The following SLC6A15 variants were observed in gnomAD, a reference collection of about 807,000 sequenced individuals.
The protein encoded by SLC6A15 is sodium-dependent neutral amino acid transporter B(0)AT2.
A neutral mutation model predicts 68.5 loss-of-function variants in SLC6A15; 33 were observed. The observed-to-expected ratio is 0.48, with a 90% CI of 0.37 to 0.64. SLC6A15 has a LOEUF of 0.64. SLC6A15 is among the 30% of genes least tolerant of loss of function. SLC6A15 has a pLI of 0.00. For synonymous variants in SLC6A15, 347 were observed against 301.0 expected (o/e 1.15, Z -1.58); for missense variants, 747 against 874.3 (o/e 0.85, Z 1.84).
At chr12:84,910,601 T>G (rs916946163) in intron 1 of SLC6A15, among the ~76,000 whole-genome samples, 3 of 152,152 alleles carry the variant, frequency 2.0e-5, no homozygotes, top group African/African-American at 7.2e-5. Flanking sequence ...GTGAGAAACA[T>G]CCCGTCTAAC....
chr12:84,867,292 T>TA, intron 9 of SLC6A15, 99 bp from the exon 10 acceptor site: 3 of 1,003,192 alleles, frequency 3.0e-6, no homozygotes, highest in Non-Finnish European at 2.8e-6. Flanking sequence ...AAAACTTTTA[T>TA]AACATGTCCA....
At chr12:84,885,304 A>G in intron 4 of SLC6A15, 131 bp downstream of exon 4, 9 of 878,656 alleles carry the variant, frequency 1.0e-5, no homozygotes, top group Non-Finnish European at 1.4e-5. Context: ...GAATGTGAGC[A>G]AAGTCTGTTA....
chr12:84,877,869 G>A (rs928375200), intron 5 of SLC6A15, among the ~76,000 whole-genome samples: 1 of 152,058 alleles, frequency 6.6e-6, no homozygotes, highest in African/African-American at 2.4e-5. Context: ...CAGGGTATAA[G>A]CTAGTAAGGG....
intron 5 of SLC6A15, among the ~76,000 whole-genome samples, chr12:84,878,787 A>ATAG (rs1469941702): frequency 2.0e-5 from 3 of 147,262 alleles, no homozygotes; most frequent in African/African-American, 2.4e-5. Context: ...AATCCCATAA[A>ATAG]CCAACTGATC....
At chr12:84,868,670 G>A (rs1453769026) in intron 9 of SLC6A15, among the ~76,000 whole-genome samples, 3 of 152,148 alleles carry the variant, frequency 2.0e-5, no homozygotes, top group Non-Finnish European at 4.4e-5. Context: ...TTTCATTGAG[G>A]TCAAACACGA....
At chr12:84,908,363 T>A (rs114270879) in intron 1 of SLC6A15, among the ~76,000 whole-genome samples, 6,053 of 151,948 alleles carry the variant, frequency 0.04, 377 homozygotes, top group African/African-American at 0.13. Flanking sequence ...TAATTTTATT[T>A]CTAAAACTCT....
chr12:84,879,635 CT>C (rs1871729306), intron 5 of SLC6A15, among the ~76,000 whole-genome samples: 1 of 151,880 alleles, frequency 6.6e-6, no homozygotes, highest in Admixed American at 6.6e-5. Context: ...CTATCACACA[CT>C]TTGTATGTGC....
Position 84,886,027 on chromosome 12 carries a change from C to T in SLC6A15, c.331G>A (p.Gly111Ser). ...AGTTCCAAGAAAAAAAGGGGAATAC[C>T]TATTACCATAAGTAGTATTAAATAT... ...LPYLILLMVI[G>S]IPLFFLELSV... The change falls in exon 3 of 12, where the codon GGT (glycine) becomes AGT (serine). Residue 111 changes from glycine (G) to serine (S), a missense_variant. Physicochemically the swap from Gly to Ser is moderately conservative, Grantham distance 56 (BLOSUM62 0). Transcript: ENST00000266682. 6.2e-7 allele frequency: 1 copy of T among 1,609,058 alleles called. No individual in the cohort carries two copies. The highest frequency in any genetic ancestry group is 8.5e-7 in the Non-Finnish European group (1 of 1,176,070).
intron 5 of SLC6A15, chr12:84,882,594 C>G: frequency 2.5e-6 from 1 of 392,512 alleles, no homozygotes; most frequent in Non-Finnish European, 3.5e-6. Context: ...GGGACTAGGA[C>G]GGGGTGAGAC....
At chr12:84,873,657 T>C (rs1336189036) in intron 6 of SLC6A15, among the ~76,000 whole-genome samples, 1 of 152,190 alleles carries the variant, frequency 6.6e-6, no homozygotes, top group African/African-American at 2.4e-5. Flanking sequence ...TCATTTCCCA[T>C]TATGTCTTTT....
intron 11 of SLC6A15, among the ~76,000 whole-genome samples, chr12:84,862,292 T>C (rs370782445): frequency 7.2e-5 from 11 of 152,112 alleles, no homozygotes; most frequent in African/African-American, 2.7e-4. Context: ...CCAAGCTGAA[T>C]GCAACTGCTT....
rs578101100 is a variant in SLC6A15, at chr12:84,884,091, C to A, written c.575-51G>T. Reference sequence around the variant, plus strand: ...TTATTTCAGAATATAAAGAGCAATGCGACAATTTCTTTTCCAATAAACCTG... The same window carrying A: ...TTATTTCAGAATATAAAGAGCAATGAGACAATTTCTTTTCCAATAAACCTG... On this transcript the variant is annotated intron_variant, in intron 4 of 11. Coordinates refer to ENST00000266682, the MANE Select transcript of SLC6A15 (RefSeq NM_182767.6). The A allele has an allele frequency of 2.2e-5, 33 of 1,474,434 alleles. 1 individual carries two copies. In the East Asian group the frequency reaches 6.6e-4, roughly 30 times the overall value. The allele number at this position is 1,474,434 out of a possible 1,614,324, so 91.3% of individuals were successfully genotyped here. A position where few individuals can be genotyped will look rare whatever the true frequency, so the allele number is the denominator to read the frequency against.
chr12:84,908,098 AC>A (rs1429455959), intron 1 of SLC6A15, among the ~76,000 whole-genome samples: 2 of 152,016 alleles, frequency 1.3e-5, no homozygotes, highest in Non-Finnish European at 2.9e-5. Context: ...ATGTAATGGA[AC>A]TCTTTTGTAA....
intron 1 of SLC6A15, among the ~76,000 whole-genome samples, chr12:84,906,942 C>T (rs1051191134): frequency 6.6e-6 from 1 of 151,536 alleles, no homozygotes; most frequent in Admixed American, 6.6e-5. Flanking sequence ...AAATTTGAAA[C>T]TTTTGCTATG....
chr12:84,872,752 A>G lies in SLC6A15; in HGVS notation c.1152T>C (p.Ile384=), dbSNP rs772461184. 1 of 1,603,628 alleles carries G rather than the reference A, an allele frequency of 6.2e-7. No homozygotes were observed. The highest frequency in any genetic ancestry group is 1.8e-5 in the Admixed American group (1 of 56,888). The change falls in exon 8 of 12, where the codon ATT becomes ATC. Residue 384 remains isoleucine, a synonymous_variant. Coordinates refer to ENST00000266682, the MANE Select transcript of SLC6A15 (RefSeq NM_182767.6). ...TATGATGGGGAATAATATCCTGACTAATGTTCCCCATTTTCAAAAATTTCA... is the reference window on the plus strand; with the variant it reads ...TATGATGGGGAATAATATCCTGACTGATGTTCCCCATTTTCAAAAATTTCA... ...TIMKFLKMGN[I]SQDIIPHHIN...
chr12:84,909,223 A>G (rs1158869718), intron 1 of SLC6A15, among the ~76,000 whole-genome samples: 1 of 152,162 alleles, frequency 6.6e-6, no homozygotes, highest in Admixed American at 6.5e-5. Context: ...TGATAGGTGA[A>G]AAAGTTCCCA....
rs1400129659 is a variant in SLC6A15, at chr12:84,863,601, C to A, written c.1656G>T (p.Lys552Asn). The part of the protein sequence containing the change: ...IAVCFVYGID[K>N]FMEDLKDMLG... The stretch of plus-strand genomic sequence containing the variant: ...GCATATCTTTTAGGTCTTCCATAAA[C>A]CTGAATAAAAAGAAAGTATTTAATT... The change falls in exon 11 of 12, where the codon AAG becomes AAT. Residue 552 changes from lysine (K) to asparagine (N), a missense_variant and splice_region_variant. By Grantham distance (94) the Lys-to-Asn change is moderately conservative. Coordinates refer to ENST00000266682, the MANE Select transcript of SLC6A15 (RefSeq NM_182767.6). 13 of 1,517,168 alleles carry A rather than the reference C, an allele frequency of 8.6e-6. No individual in the cohort carries two copies. Among genetic ancestry groups the A allele is most frequent in the East Asian group, 2.4e-5 (1 of 41,288 alleles). 94.0% of individuals were successfully genotyped at this position (1,517,168 alleles called of 1,614,324 possible).
intron 1 of SLC6A15, among the ~76,000 whole-genome samples, chr12:84,909,506 A>G (rs1873338705): frequency 6.6e-6 from 1 of 152,210 alleles, no homozygotes; most frequent in African/African-American, 2.4e-5. Context: ...GACAGCCAGA[A>G]GAGTGGTATG....
At chr12:84,910,414 A>C (rs2120754575) in intron 1 of SLC6A15, among the ~76,000 whole-genome samples, 1 of 152,332 alleles carries the variant, frequency 6.6e-6, no homozygotes, top group Admixed American at 6.5e-5. Context: ...ATGATTCCAT[A>C]GAAAAGGCAA....
Sources: allele counts gnomAD v4.1 joint callset (sites outside exome capture counted in the v4.1 genomes callset), GRCh38; gene constraint gnomAD v4.1.1; transcripts MANE v1.5; gene names NCBI Gene and HGNC (gene_info 2026-07-23, HGNC 2026-07-21).